MGAT4D: variants seen among roughly 807,000 people sequenced by gnomAD.
MGAT4D encodes the protein MGAT4 family member D.
In MGAT4D, 34 loss-of-function variants were observed where a neutral mutation model predicts 15.9. The observed-to-expected ratio is 2.14, with a 90% CI of 1.62 to 2.84. The LOEUF (loss-of-function observed/expected upper bound fraction) is 2.84. MGAT4D is among the 30% of genes most tolerant of loss of function. The pLI, the probability that MGAT4D is intolerant of heterozygous loss-of-function variation, is 0.00. For synonymous variants in MGAT4D, 112 were observed against 48.2 expected (o/e 2.33, Z -5.49); for missense variants, 327 against 140.2 (o/e 2.33, Z -6.73).
At chr4:140,445,373 G>T (rs1730054215) in intron 10 of MGAT4D, among the ~76,000 whole-genome samples, 1 of 151,820 alleles carries the variant, frequency 6.6e-6, no homozygotes, top group South Asian at 2.1e-4. Flanking sequence ...TTTTTAATGG[G>T]GTTGTTTGTT....
At chr4:140,484,532 A>C (rs1164188183) in intron 1 of MGAT4D, among the ~76,000 whole-genome samples, 1 of 152,216 alleles carries the variant, frequency 6.6e-6, no homozygotes, top group African/African-American at 2.4e-5. Context: ...AATAGCAACA[A>C]AAGCCAAAAT....
At chr4:140,475,606 T>C (rs1208646254) in intron 3 of MGAT4D, among the ~76,000 whole-genome samples, 1 of 133,916 alleles carries the variant, frequency 7.5e-6, no homozygotes, top group African/African-American at 2.9e-5. Context: ...ACTTCCAGAA[T>C]GGCTAAGTGA....
intron 6 of MGAT4D, among the ~76,000 whole-genome samples, chr4:140,463,483 G>A (rs1053854638): frequency 3.3e-5 from 5 of 151,900 alleles, no homozygotes; most frequent in Non-Finnish European, 7.4e-5. Flanking sequence ...TGTAGTCTGG[G>A]GCAAGAGCTC....
At chr4:140,463,082 G>A (rs574027557) in intron 6 of MGAT4D, among the ~76,000 whole-genome samples, 3 of 152,118 alleles carry the variant, frequency 2.0e-5, no homozygotes, top group South Asian at 2.1e-4. Context: ...TCCAGAACAC[G>A]AGAGAAGGAT....
intron 6 of MGAT4D, among the ~76,000 whole-genome samples, chr4:140,463,530 C>T (rs188934032): frequency 2.0e-5 from 3 of 151,998 alleles, no homozygotes; most frequent in Admixed American, 2.0e-4. Flanking sequence ...ATAAACTCAC[C>T]CAAAGAAACT....
intron 8 of MGAT4D, chr4:140,459,038 A>G (rs1730992676): frequency 6.6e-6 from 1 of 152,154 alleles, no homozygotes; most frequent in South Asian, 2.1e-4. Context: ...TGGGTATAGT[A>G]TTTGGAAATT....
At position 140,464,944 on chromosome 4, in the gene MGAT4D, C is replaced by T. The variant is rs1458312112; in HGVS notation, c.638G>A (p.Ser213Asn). ...VISIPAFLYS[S>N]MLNAKHLAEA... ...AGCTAAGTGCTTGGCATTTAACATG[C>T]TTGAGTATAAAAAGGCAGGTATTGA... is the stretch of plus-strand genomic sequence containing the variant. The change falls in exon 6 of 11, where the codon AGC becomes AAC. Residue 213 changes from serine (S) to asparagine (N), a missense_variant. Physicochemically the swap from Ser to Asn is conservative, Grantham distance 46 (BLOSUM62 1). Coordinates refer to ENST00000511113, the MANE Select transcript of MGAT4D (RefSeq NM_001277353.2). 13 of 702,718 alleles carry T rather than the reference C, an allele frequency of 1.8e-5. No homozygotes were observed. The African/African-American group carries it at 2.3e-4, about 12-fold the overall frequency. The allele number at this position is 702,718 out of a possible 1,614,324, so 43.5% of individuals were successfully genotyped here.
intron 10 of MGAT4D, among the ~76,000 whole-genome samples, chr4:140,443,657 T>C (rs2126649588): frequency 6.6e-6 from 1 of 152,236 alleles, no homozygotes; most frequent in South Asian, 2.1e-4. Context: ...TACTCTTACG[T>C]TGTTAAAATG....
In MGAT4D at chr4:140,462,259, T is replaced by A. The variant is rs1269500480; in HGVS notation, c.687-255A>T. ...ACAACCCATTTGTTTTACATTTCTA[T>A]CTAGATAAGTTTTGATCTAGATAAT... On this transcript the variant is annotated intron_variant, in intron 6 of 10. Transcript: ENST00000511113. 2.0e-5 allele frequency among the ~76,000 whole-genome samples: 3 copies of A among 152,176 alleles called. No homozygotes were observed. The East Asian group carries it at 5.8e-4, about 29-fold the overall frequency.
chr4:140,471,003 GC>G lies in MGAT4D; in HGVS notation c.572+771del, dbSNP rs1731900470. 2.6e-5 allele frequency among the ~76,000 whole-genome samples: 4 copies of G among 151,454 alleles called. No homozygotes were observed. In the South Asian group the frequency reaches 8.3e-4, roughly 32 times the overall value. On this transcript the variant is annotated intron_variant, in intron 5 of 10. Transcript: ENST00000511113. ...AGGCACTGGCAATCCTTCCACTTCAGCCTCCCTAGTAGCTAGGACTACAGGT... is the reference window on the plus strand; with the variant it reads ...AGGCACTGGCAATCCTTCCACTTCAGCTCCCTAGTAGCTAGGACTACAGGT...
At chr4:140,463,081 C>T (rs1047673616) in intron 6 of MGAT4D, among the ~76,000 whole-genome samples, 1 of 152,048 alleles carries the variant, frequency 6.6e-6, no homozygotes, top group Non-Finnish European at 1.5e-5. Flanking sequence ...ATCCAGAACA[C>T]GAGAGAAGGA....
At chr4:140,485,810 TAAAAAAAAAAAAAAAAAAAAAA>T (rs61131099) in intron 1 of MGAT4D, among the ~76,000 whole-genome samples, 19 of 13,026 alleles carry the variant, frequency 1.5e-3, no homozygotes, top group East Asian at 0.011. Context: ...GACCCTGTCT[TAAAAAAAAAAAAAAAAAAAAAA>T]AAAAAAAAAA....
At chr4:140,486,415 A>C (rs1404500842) in intron 1 of MGAT4D, among the ~76,000 whole-genome samples, 1 of 152,158 alleles carries the variant, frequency 6.6e-6, no homozygotes, top group African/African-American at 2.4e-5. Context: ...CAGGTTTGTT[A>C]CATAGATATA....
intron 9 of MGAT4D, among the ~76,000 whole-genome samples, 162 bp downstream of exon 9, chr4:140,456,427 A>C (rs1235611643): frequency 1.3e-5 from 2 of 151,794 alleles, no homozygotes; most frequent in Non-Finnish European, 2.9e-5. Flanking sequence ...GGGGTCTCTC[A>C]TTACTTCATT....
intron 1 of MGAT4D, among the ~76,000 whole-genome samples, chr4:140,484,929 A>G (rs1017126303): frequency 2.0e-5 from 3 of 152,232 alleles, no homozygotes; most frequent in Non-Finnish European, 4.4e-5. Flanking sequence ...GTGGAGAAAT[A>G]GGAACACTTT....
At chr4:140,451,540 CT>C in intron 9 of MGAT4D, 23 bp from the exon 10 acceptor site, 1 of 517,684 alleles carries the variant, frequency 1.9e-6, no homozygotes, top group Non-Finnish European at 3.5e-6. Flanking sequence ...AAACAACAAT[CT>C]TCTGTAAAAA....
intron 8 of MGAT4D, 110 bp from the exon 9 acceptor site, chr4:140,456,829 A>G (rs1176275822): frequency 2.0e-6 from 1 of 505,142 alleles, no homozygotes; most frequent in East Asian, 3.1e-5. Context: ...CATTCCTTAG[A>G]AATAAAGATT....
intron 3 of MGAT4D, among the ~76,000 whole-genome samples, chr4:140,477,884 C>T (rs1248555428): frequency 6.6e-6 from 1 of 152,120 alleles, no homozygotes; most frequent in Non-Finnish European, 1.5e-5. Flanking sequence ...ATAAACCAGG[C>T]ACAAAATGAT....
chr4:140,460,521 G>A (rs189122281), intron 7 of MGAT4D, among the ~76,000 whole-genome samples: 3 of 152,320 alleles, frequency 2.0e-5, no homozygotes, highest in Admixed American at 2.0e-4. Context: ...CACCTTGGGG[G>A]TGAGAATTTT....
Sources: allele counts gnomAD v4.1 joint callset (sites outside exome capture counted in the v4.1 genomes callset), GRCh38; gene constraint gnomAD v4.1.1; transcripts MANE v1.5; gene names NCBI Gene and HGNC (gene_info 2026-07-23, HGNC 2026-07-21).